AOPEP: variants seen among roughly 807,000 people sequenced by gnomAD.
AOPEP encodes aminopeptidase O (putative), also known as aminopeptidase O.
In AOPEP, 77 loss-of-function variants were observed where a neutral mutation model predicts 98.1. The observed-to-expected ratio is 0.78, with a 90% CI of 0.65 to 0.95. AOPEP has a LOEUF of 0.95. Ranked by LOEUF, AOPEP falls within the 40% of genes least tolerant of loss-of-function variation. The pLI, the probability that AOPEP is intolerant of heterozygous loss-of-function variation, is 0.00. For missense variants in AOPEP, 1,024 were observed against 1,024.7 expected (o/e 1.00, Z 0.01); for synonymous variants, 346 against 365.3 (o/e 0.95, Z 0.60).
At chr9:94,827,880 T>A (rs1300078870) in intron 5 of AOPEP, among the ~76,000 whole-genome samples, 1 of 150,356 alleles carries the variant, frequency 6.7e-6, no homozygotes, top group African/African-American at 2.5e-5. Flanking sequence ...CCCAGGCTGT[T>A]TAACTCTCAG....
chr9:94,901,765 C>A, intron 5 of AOPEP, among the ~76,000 whole-genome samples: 1 of 152,070 alleles, frequency 6.6e-6, no homozygotes, highest in Admixed American at 6.5e-5. Context: ...CATAGCAAAA[C>A]CCCGTCCTTA....
At chr9:95,125,164 A>C in the AOPEP span, 1 of 1,614,216 alleles carries the variant, frequency 6.2e-7, no homozygotes, top group Non-Finnish European at 8.5e-7. Context: ...CCAGGGCCCC[A>C]TCGGTTTCCA....
intron 1 of AOPEP, among the ~76,000 whole-genome samples, chr9:94,756,151 T>C (rs552320530): frequency 1.6e-4 from 25 of 151,896 alleles, no homozygotes; most frequent in Non-Finnish European, 3.4e-4. Context: ...TCCCAGCTAC[T>C]TGGGAGGCTG....
the AOPEP span, among the ~76,000 whole-genome samples, chr9:95,133,052 T>G: frequency 6.6e-6 from 1 of 152,192 alleles, no homozygotes; most frequent in Non-Finnish European, 1.5e-5. Flanking sequence ...GCTATCTGAG[T>G]CTTAGAGATC....
chr9:94,863,454 A>G (rs199730121), intron 5 of AOPEP, among the ~76,000 whole-genome samples: 2 of 150,274 alleles, frequency 1.3e-5, no homozygotes, highest in African/African-American at 2.4e-5. Flanking sequence ...CTAATTTTTT[A>G]TATTTTTAGT....
chr9:94,895,289 G>T (rs2049381148), intron 5 of AOPEP, among the ~76,000 whole-genome samples: 1 of 150,816 alleles, frequency 6.6e-6, no homozygotes, highest in African/African-American at 2.4e-5. Flanking sequence ...AGTCCCAGCT[G>T]CTCAGGAAGC....
chr9:94,993,485 G>A (rs1374758106), intron 11 of AOPEP, among the ~76,000 whole-genome samples: 1 of 152,110 alleles, frequency 6.6e-6, no homozygotes, highest in Non-Finnish European at 1.5e-5. Flanking sequence ...TACAGTGATC[G>A]CTGCATATTT....
chr9:95,115,129 A>C, the AOPEP span, among the ~76,000 whole-genome samples: 1 of 152,092 alleles, frequency 6.6e-6, no homozygotes, highest in African/African-American at 2.4e-5. Context: ...TTTTGTAGAG[A>C]TGAGGTTTCA....
At chr9:94,874,738 A>G (rs1009814532) in intron 5 of AOPEP, among the ~76,000 whole-genome samples, 1 of 152,204 alleles carries the variant, frequency 6.6e-6, no homozygotes, top group African/African-American at 2.4e-5. Flanking sequence ...CCAATTCCCA[A>G]TAACACATGC....
At chr9:94,788,012 A>C (rs1260174541) in intron 3 of AOPEP, among the ~76,000 whole-genome samples, 35 of 152,044 alleles carry the variant, frequency 2.3e-4, no homozygotes, top group Non-Finnish European at 2.9e-5. Context: ...CCCTTCCTAA[A>C]ATCCTGTCTT....
chr9:94,868,443 G>A (rs746670605), intron 5 of AOPEP, among the ~76,000 whole-genome samples: 4 of 152,138 alleles, frequency 2.6e-5, no homozygotes, highest in Non-Finnish European at 5.9e-5. Flanking sequence ...CCGAATTCCC[G>A]TGCATTGAGG....
intron 7 of AOPEP, among the ~76,000 whole-genome samples, chr9:94,937,798 A>G (rs534958644): frequency 2.6e-5 from 4 of 152,224 alleles, no homozygotes; most frequent in South Asian, 4.1e-4. Context: ...TGATCTTACT[A>G]CATGATTTGG....
rs79596883 is a variant in AOPEP, at chr9:94,763,213, C to T, written c.797+2633C>T. 1.7e-4 allele frequency: 62 copies of T among 362,258 alleles called. 2 individuals carry two copies. The highest frequency in any genetic ancestry group is 5.9e-4 in the South Asian group (26 of 43,862). The allele number at this position is 362,258 out of a possible 1,614,324, so 22.4% of individuals were successfully genotyped here. On this transcript the variant is annotated intron_variant, in intron 2 of 16. Transcript: ENST00000375315. Reference sequence around the variant, plus strand: ...TGACTTTTTTTGAATTTGATCTTCACGTCACTTACTGTATGCAAAGCTTTC... The same window carrying T: ...TGACTTTTTTTGAATTTGATCTTCATGTCACTTACTGTATGCAAAGCTTTC...
At position 94,911,760 on chromosome 9, in the gene AOPEP, G is replaced by A. The variant is rs117423781; in HGVS notation, c.1365-12226G>A. On this transcript the variant is annotated intron_variant, in intron 5 of 16. Coordinates refer to ENST00000375315, the MANE Select transcript of AOPEP (RefSeq NM_001193329.3). The stretch of plus-strand genomic sequence containing the variant: ...TAGGAGGTGGGCTGCCCAGACCCTG[G>A]TCTCAGTTCTGTCCCTACTGACAGA... Among the ~76,000 whole-genome samples the A allele has an allele frequency of 2.9e-3, 437 of 152,262 alleles. 1 individual carries two copies. The highest frequency in any genetic ancestry group is 6.8e-3 in the Middle Eastern group (2 of 294).
chr9:95,126,349 A>AT, the AOPEP span, among the ~76,000 whole-genome samples: 7 of 152,218 alleles, frequency 4.6e-5, no homozygotes, highest in African/African-American at 1.7e-4. Flanking sequence ...TGGCCTTTAA[A>AT]TTTACACTGA....
intron 13 of AOPEP, among the ~76,000 whole-genome samples, chr9:95,025,364 G>A (rs2063762228): frequency 6.6e-6 from 1 of 152,234 alleles, no homozygotes; most frequent in Non-Finnish European, 1.5e-5. Flanking sequence ...AGCCACTGCA[G>A]ACGTGGCCCA....
At chr9:95,107,679 C>T in the AOPEP span, among the ~76,000 whole-genome samples, 3 of 152,242 alleles carry the variant, frequency 2.0e-5, no homozygotes, top group South Asian at 2.1e-4. Flanking sequence ...TGTTCCCATA[C>T]GAATGTAGGC....
At chr9:94,736,130 T>TG (rs1831712077) in intron 1 of AOPEP, among the ~76,000 whole-genome samples, 1 of 152,154 alleles carries the variant, frequency 6.6e-6, no homozygotes, top group South Asian at 2.1e-4. Flanking sequence ...TAACTATATC[T>TG]GGGCCTTTTC....
At chr9:94,760,604 G>A in intron 2 of AOPEP, 24 bp downstream of exon 2, 3 of 1,516,006 alleles carry the variant, frequency 2.0e-6, no homozygotes, top group Non-Finnish European at 2.6e-6. Context: ...GCACTTCAAA[G>A]CCCTGTGCCT....
Sources: gnomAD v4.1 joint callset for allele counts (sites outside exome capture counted in the v4.1 genomes callset) on GRCh38, gnomAD v4.1.1 for gene constraint, MANE v1.5 for transcripts, NCBI Gene and HGNC (gene_info 2026-07-23, HGNC 2026-07-21) for gene names.